Variants in RCOR1 observed in about 807,000 individuals in gnomAD.
RCOR1 encodes REST corepressor 1.
RCOR1 carries 12 observed loss-of-function variants against 64.0 expected under a neutral mutation model. The ratio of observed to expected loss-of-function variants is 0.19; its 90% CI spans 0.12 to 0.30. RCOR1 has a LOEUF of 0.30. Among genes scored for constraint, RCOR1 ranks in the 10% least tolerant of loss-of-function variants. The pLI is 1.00. For missense variants in RCOR1, 502 were observed against 621.2 expected (o/e 0.81, Z 2.04); for synonymous variants, 279 against 227.2 (o/e 1.23, Z -2.05).
intron 2 of RCOR1, among the ~76,000 whole-genome samples, chr14:102,605,829 A>G (rs1414940343): frequency 6.6e-6 from 1 of 152,176 alleles, no homozygotes; most frequent in African/African-American, 2.4e-5. Flanking sequence ...ATTGCCTCTG[A>G]AGACCTTCCA....
At chr14:102,651,090 A>G in intron 2 of RCOR1, 1 of 984,966 alleles carries the variant, frequency 1.0e-6, no homozygotes, top group Non-Finnish European at 1.2e-6. Context: ...TTGACTAGTT[A>G]GAAGAATTTG....
At chr14:102,656,706 G>A (rs530349504) in intron 2 of RCOR1, among the ~76,000 whole-genome samples, 1 of 151,620 alleles carries the variant, frequency 6.6e-6, no homozygotes, top group South Asian at 2.1e-4. Context: ...TGACTCAAGC[G>A]ATCTACCCAC....
intron 2 of RCOR1, among the ~76,000 whole-genome samples, chr14:102,648,608 A>G (rs7155804): frequency 0.19 from 29,525 of 152,026 alleles, 3,117 homozygotes; most frequent in East Asian, 0.38. Context: ...ATCTATGTGT[A>G]TTTATTTATT....
intron 2 of RCOR1, among the ~76,000 whole-genome samples, chr14:102,645,893 G>A (rs1437292902): frequency 6.6e-6 from 1 of 152,182 alleles, no homozygotes; most frequent in Non-Finnish European, 1.5e-5. Context: ...CAAGGTCTCT[G>A]TGTGAATTTG....
At chr14:102,620,019 T>C (rs11626481) in intron 2 of RCOR1, among the ~76,000 whole-genome samples, 121,128 of 152,150 alleles carry the variant, frequency 0.8, 48,475 homozygotes, top group Middle Eastern at 0.87. Flanking sequence ...GCTTCCACAG[T>C]TCCTGTCTTC....
chr14:102,660,353 CTT>C (rs36033972), intron 2 of RCOR1, among the ~76,000 whole-genome samples: 47 of 148,482 alleles, frequency 3.2e-4, no homozygotes, highest in African/African-American at 8.9e-4. Flanking sequence ...TTGGGTAAAA[CTT>C]TTTTTTTTTT....
chr14:102,675,812 T>C (rs1480890714), intron 2 of RCOR1, among the ~76,000 whole-genome samples: 2 of 152,210 alleles, frequency 1.3e-5, no homozygotes, highest in African/African-American at 4.8e-5. Context: ...CTGGAAACCT[T>C]GGATCTATTC....
chr14:102,714,424 T>C lies in RCOR1; in HGVS notation c.860T>C (p.Val287Ala), dbSNP rs1227207226. 1.3e-6 allele frequency: 2 copies of C among 1,596,434 alleles called. No individual in the cohort carries two copies. Among genetic ancestry groups the C allele is most frequent in the Non-Finnish European group, 1.7e-6 (2 of 1,169,942 alleles). The change falls in exon 8 of 12, where the codon GTT (valine) becomes GCT (alanine). Residue 287 changes from valine to alanine, a missense_variant and splice_region_variant. Around this residue, in one of 2 missense-constraint regions of RCOR1, gnomAD observed 260 missense variants for 416.4 expected, o/e 0.62. Coordinates refer to ENST00000262241, the MANE Select transcript of RCOR1 (RefSeq NM_015156.4). ...TCATCACCTGTGTATATCATGCAGGTTCCCCCTACTGAGACAGTTCCTCAG... is the reference window on the plus strand; with the variant it reads ...TCATCACCTGTGTATATCATGCAGGCTCCCCCTACTGAGACAGTTCCTCAG... ...VDQNKESKKEVPPTETVPQVK... is the reference protein window; with the variant it reads ...VDQNKESKKEAPPTETVPQVK...
At chr14:102,699,353 G>T (rs1355354359) in intron 3 of RCOR1, among the ~76,000 whole-genome samples, 1 of 152,180 alleles carries the variant, frequency 6.6e-6, no homozygotes, top group Non-Finnish European at 1.5e-5. Flanking sequence ...CTTAGTATTA[G>T]AATTAATATT....
At chr14:102,671,103 G>A (rs1895025599) in intron 2 of RCOR1, among the ~76,000 whole-genome samples, 1 of 152,120 alleles carries the variant, frequency 6.6e-6, no homozygotes, top group African/African-American at 2.4e-5. Context: ...AGCAAGAAAA[G>A]CATATTCACC....
chr14:102,612,806 T>G (rs1465672962), intron 2 of RCOR1, among the ~76,000 whole-genome samples: 1 of 151,662 alleles, frequency 6.6e-6, no homozygotes, highest in Admixed American at 6.6e-5. Context: ...TTGGGCAACA[T>G]AGCAAGACCT....
chr14:102,599,444 A>AT (rs1262780448), intron 2 of RCOR1, among the ~76,000 whole-genome samples: 1 of 151,854 alleles, frequency 6.6e-6, no homozygotes, highest in African/African-American at 2.4e-5. Context: ...TATTATTACT[A>AT]TTTTTTAATT....
At chr14:102,674,874 C>T (rs571295454) in intron 2 of RCOR1, among the ~76,000 whole-genome samples, 2 of 152,020 alleles carry the variant, frequency 1.3e-5, no homozygotes, top group Non-Finnish European at 2.9e-5. Context: ...TCCTGGCTAA[C>T]ACGGTGAAAC....
chr14:102,681,564 G>A (rs1009497702), intron 2 of RCOR1, among the ~76,000 whole-genome samples: 1 of 152,204 alleles, frequency 6.6e-6, no homozygotes, highest in East Asian at 1.9e-4. Flanking sequence ...GGCAGAGAAG[G>A]GTAAGGGTGC....
chr14:102,593,401 G>A, intron 2 of RCOR1, 76 bp downstream of exon 2: 2 of 1,397,916 alleles, frequency 1.4e-6, no homozygotes, highest in South Asian at 1.5e-5. Flanking sequence ...GAGGGGGCGG[G>A]AGCCCGCCGA....
At chr14:102,685,740 T>A (rs1445792979) in intron 3 of RCOR1, among the ~76,000 whole-genome samples, 1 of 152,108 alleles carries the variant, frequency 6.6e-6, no homozygotes, top group African/African-American at 2.4e-5. Flanking sequence ...GGCGAGCTGA[T>A]CACTTGAGCT....
At chr14:102,718,081 C>T (rs1034006858) in intron 8 of RCOR1, among the ~76,000 whole-genome samples, 4 of 152,192 alleles carry the variant, frequency 2.6e-5, no homozygotes, top group Admixed American at 1.3e-4. Context: ...TTATTTTTCT[C>T]AAATGGCAAG....
chr14:102,680,526 G>T (rs967430726), intron 2 of RCOR1, among the ~76,000 whole-genome samples: 6 of 152,170 alleles, frequency 3.9e-5, no homozygotes, highest in Admixed American at 1.3e-4. Context: ...GGTATACTTG[G>T]GCTGGGCGTG....
chr14:102,703,349 A>G (rs1895786223), intron 4 of RCOR1, among the ~76,000 whole-genome samples: 1 of 152,262 alleles, frequency 6.6e-6, no homozygotes, highest in Admixed American at 6.5e-5. Context: ...TGTGAATATA[A>G]ACAAACATCC....
Sources: allele counts gnomAD v4.1 joint callset (sites outside exome capture counted in the v4.1 genomes callset), GRCh38; gene constraint gnomAD v4.1.1; regional missense constraint gnomAD v4.1.1; transcripts MANE v1.5; gene names NCBI Gene and HGNC (gene_info 2026-07-23, HGNC 2026-07-21).